Variants in UNC13B observed in about 807,000 individuals in gnomAD.
The protein encoded by UNC13B is protein unc-13 homolog B.
Under a neutral mutation model 211.0 loss-of-function variants are expected in UNC13B, and 144 were observed. The observed-to-expected ratio is 0.68, with a 90% confidence interval of 0.60 to 0.78. The LOEUF is 0.78. Ranked by LOEUF, UNC13B falls within the 30% of genes least tolerant of loss-of-function variation. The pLI is 0.00. For missense variants in UNC13B, 1,777 were observed against 2,002.0 expected (o/e 0.89, Z 2.14); for synonymous variants, 709 against 725.8 (o/e 0.98, Z 0.37).
intron 1 of UNC13B, among the ~76,000 whole-genome samples, chr9:35,179,978 T>C (rs1821845838): frequency 6.6e-6 from 1 of 152,238 alleles, no homozygotes; most frequent in African/African-American, 2.4e-5. Flanking sequence ...GACCTTGTCC[T>C]GTGTGTGTAT....
chr9:35,266,515 A>G (rs1334451581), intron 7 of UNC13B, among the ~76,000 whole-genome samples: 1 of 152,244 alleles, frequency 6.6e-6, no homozygotes. Flanking sequence ...AGCCTGGGCA[A>G]CATAGCGAGA....
chr9:35,402,486 G>A (rs1390930661), intron 37 of UNC13B, among the ~76,000 whole-genome samples: 1 of 151,958 alleles, frequency 6.6e-6, no homozygotes, highest in Non-Finnish European at 1.5e-5. Flanking sequence ...GTTTCACCAT[G>A]TTAGCCAGGA....
chr9:35,231,578 C>A (rs1825207078), intron 3 of UNC13B, among the ~76,000 whole-genome samples: 1 of 152,084 alleles, frequency 6.6e-6, no homozygotes, highest in East Asian at 1.9e-4. Context: ...ATAACTTCAT[C>A]TTTCTTTGAT....
At chr9:35,287,138 C>CTTTT (rs35553171) in intron 7 of UNC13B, among the ~76,000 whole-genome samples, 1 of 142,582 alleles carries the variant, frequency 7.0e-6, no homozygotes, top group Non-Finnish European at 1.5e-5. Context: ...TTCTTTCTTT[C>CTTTT]TTTTTTTTTT....
intron 24 of UNC13B, among the ~76,000 whole-genome samples, chr9:35,388,960 G>A (rs1564190465): frequency 6.6e-6 from 1 of 152,160 alleles, no homozygotes; most frequent in Non-Finnish European, 1.5e-5. Flanking sequence ...AAAAGGAAGA[G>A]ATGTATTTAA....
chr9:35,181,969 T>C (rs1455953285), intron 1 of UNC13B, among the ~76,000 whole-genome samples: 1 of 152,236 alleles, frequency 6.6e-6, no homozygotes, highest in Non-Finnish European at 1.5e-5. Context: ...TGTGGATGGC[T>C]GGACCTGCAT....
intron 7 of UNC13B, among the ~76,000 whole-genome samples, chr9:35,267,787 G>A (rs925235688): frequency 3.3e-5 from 5 of 152,058 alleles, no homozygotes; most frequent in Admixed American, 2.6e-4. Flanking sequence ...GATTGCTCTG[G>A]TTCAACTTCT....
At chr9:35,242,589 T>C (rs183452456) in intron 5 of UNC13B, among the ~76,000 whole-genome samples, 89 of 152,308 alleles carry the variant, frequency 5.8e-4, no homozygotes, top group Admixed American at 5.6e-3. Flanking sequence ...GTCCTCAAAG[T>C]TTATCCATGT....
intron 6 of UNC13B, among the ~76,000 whole-genome samples, chr9:35,255,021 AT>A (rs1826771754): frequency 8.5e-6 from 1 of 117,906 alleles, no homozygotes; most frequent in African/African-American, 3.4e-5. Flanking sequence ...TAATATATGT[AT>A]ATATAATATA....
chr9:35,358,195 T>A (rs1448952431), intron 11 of UNC13B, among the ~76,000 whole-genome samples: 1 of 152,258 alleles, frequency 6.6e-6, no homozygotes, highest in African/African-American at 2.4e-5. Flanking sequence ...CACATTTTAT[T>A]TATCTGTTCA....
chr9:35,261,234 C>T (rs1290479230), intron 7 of UNC13B, among the ~76,000 whole-genome samples: 1 of 152,098 alleles, frequency 6.6e-6, no homozygotes, highest in African/African-American at 2.4e-5. Context: ...TGTCTCCATA[C>T]ATACATACAC....
At chr9:35,261,943 T>A (rs747223572) in intron 7 of UNC13B, among the ~76,000 whole-genome samples, 1 of 152,206 alleles carries the variant, frequency 6.6e-6, no homozygotes, top group Non-Finnish European at 1.5e-5. Flanking sequence ...TTGTTGCAAA[T>A]GACAGGATCT....
At chr9:35,201,743 T>G (rs568316984) in intron 1 of UNC13B, among the ~76,000 whole-genome samples, 6 of 152,354 alleles carry the variant, frequency 3.9e-5, no homozygotes, top group African/African-American at 1.2e-4. Context: ...TTTATTAGTC[T>G]TGCTAGCGGT....
Position 35,306,105 on chromosome 9 carries a change from G to A in UNC13B, c.6701G>A (p.Ser2234Asn). ...AAGGAGACCTCTGGGGAAAAACAAA[G>A]CATTTCAACTGTTGTTCCAGTGACC... ...QKKETSGEKQ[S>N]ISTVVPVTSQ... The change falls in exon 9 of 40, where the codon AGC becomes AAC. Residue 2234 changes from serine (S) to asparagine (N), a missense_variant. Physicochemically the swap from Ser to Asn is conservative, Grantham distance 46. Transcript: ENST00000635942. The A allele has an allele frequency of 2.5e-6, 1 of 398,974 alleles. No homozygotes were observed. Among genetic ancestry groups the A allele is most frequent in the African/African-American group, 2.1e-5 (1 of 48,746 alleles). The allele number at this position is 398,974 out of a possible 1,614,324, so 24.7% of individuals were successfully genotyped here. A position where few individuals can be genotyped will look rare whatever the true frequency, so the allele number is the denominator to read the frequency against.
At chr9:35,379,682 T>C (rs1834687212) in intron 17 of UNC13B, among the ~76,000 whole-genome samples, 1 of 152,204 alleles carries the variant, frequency 6.6e-6, no homozygotes, top group Non-Finnish European at 1.5e-5. Context: ...ATACAGTGTA[T>C]CCAAAAATGA....
chr9:35,309,178 C>A (rs1201627703), intron 9 of UNC13B, among the ~76,000 whole-genome samples: 1 of 151,702 alleles, frequency 6.6e-6, no homozygotes, highest in East Asian at 1.9e-4. Context: ...AGAATGCTAC[C>A]TTGACCTCTG....
chr9:35,216,163 A>G (rs2131437366), intron 1 of UNC13B, among the ~76,000 whole-genome samples: 1 of 152,352 alleles, frequency 6.6e-6, no homozygotes, highest in East Asian at 1.9e-4. Flanking sequence ...ACATCCTTGG[A>G]TCATCTCAAC....
intron 12 of UNC13B, among the ~76,000 whole-genome samples, chr9:35,370,096 G>C (rs1014654066): frequency 6.6e-6 from 1 of 152,222 alleles, no homozygotes; most frequent in Admixed American, 6.5e-5. Flanking sequence ...AGCTGAAACT[G>C]TAAGAGACAC....
At chr9:35,272,022 A>G (rs1482824127) in intron 7 of UNC13B, among the ~76,000 whole-genome samples, 5 of 152,204 alleles carry the variant, frequency 3.3e-5, no homozygotes, top group Non-Finnish European at 5.9e-5. Flanking sequence ...GAAAGGAAGA[A>G]TGGATAATTA....
Sources: gnomAD v4.1 joint callset for allele counts (sites outside exome capture counted in the v4.1 genomes callset) on GRCh38, gnomAD v4.1.1 for gene constraint, MANE v1.5 for transcripts, NCBI Gene and HGNC (gene_info 2026-07-23, HGNC 2026-07-21) for gene names.